Variants in MCU observed in about 807,000 individuals in gnomAD.
The protein encoded by MCU is calcium uniporter protein, mitochondrial.
Under a neutral mutation model 45.2 loss-of-function variants are expected in MCU, and 12 were observed. The ratio of observed to expected loss-of-function variants is 0.27; its 90% CI spans 0.17 to 0.43. The LOEUF is 0.43. Among genes scored for constraint, MCU ranks in the 20% least tolerant of loss-of-function variants. MCU has a pLI of 1.00. For synonymous variants in MCU, 160 were observed against 165.1 expected (o/e 0.97, Z 0.24); for missense variants, 324 against 436.7 (o/e 0.74, Z 2.30).
intron 1 of MCU, among the ~76,000 whole-genome samples, chr10:72,701,338 C>T (rs1842756634): frequency 6.6e-6 from 1 of 152,126 alleles, no homozygotes; most frequent in South Asian, 2.1e-4. Flanking sequence ...TGGTTTAGTG[C>T]TAGGGATGCA....
intron 1 of MCU, among the ~76,000 whole-genome samples, chr10:72,723,048 T>G (rs1843045761): frequency 6.6e-6 from 1 of 151,962 alleles, no homozygotes; most frequent in African/African-American, 2.4e-5. Flanking sequence ...TACAAAAAAT[T>G]AGCTGGGTGT....
chr10:72,702,663 C>T (rs1842772578), intron 1 of MCU, among the ~76,000 whole-genome samples: 1 of 152,158 alleles, frequency 6.6e-6, no homozygotes, highest in Non-Finnish European at 1.5e-5. Flanking sequence ...GAAGGCTTCA[C>T]AGAAGAGGTC....
At chr10:72,863,692 C>A (rs1845413276) in intron 4 of MCU, among the ~76,000 whole-genome samples, 1 of 152,216 alleles carries the variant, frequency 6.6e-6, no homozygotes, top group African/African-American at 2.4e-5. Flanking sequence ...TCTCAGCTCA[C>A]TGCAACCTCT....
chr10:72,738,050 A>ACCCATT (rs1843275474), intron 1 of MCU, among the ~76,000 whole-genome samples: 1 of 152,230 alleles, frequency 6.6e-6, no homozygotes, highest in Non-Finnish European at 1.5e-5. Flanking sequence ...ATGTAGCTGG[A>ACCCATT]TAAATATTTT....
chr10:72,808,767 A>C (rs1034505982), intron 1 of MCU, among the ~76,000 whole-genome samples: 3 of 152,192 alleles, frequency 2.0e-5, no homozygotes, highest in African/African-American at 7.2e-5. Flanking sequence ...ACATCTTACT[A>C]TGGTGGAGCA....
chr10:72,733,160 G>T (rs1200506021), intron 1 of MCU, among the ~76,000 whole-genome samples: 2 of 152,184 alleles, frequency 1.3e-5, no homozygotes, highest in African/African-American at 4.8e-5. Context: ...AAATGGGATG[G>T]ATTAAATCTA....
intron 7 of MCU, among the ~76,000 whole-genome samples, chr10:72,884,898 C>G (rs1052442530): frequency 4.6e-5 from 7 of 152,160 alleles, no homozygotes; most frequent in Admixed American, 2.0e-4. Flanking sequence ...CTACCTCTTT[C>G]AAATTTCTGG....
chr10:72,807,718 G>A (rs1844473873), intron 1 of MCU, among the ~76,000 whole-genome samples: 1 of 152,136 alleles, frequency 6.6e-6, no homozygotes, highest in Non-Finnish European at 1.5e-5. Flanking sequence ...TTACTTCAGT[G>A]TTGACTGGCT....
intron 6 of MCU, among the ~76,000 whole-genome samples, chr10:72,877,169 C>T (rs1271190141): frequency 4.6e-5 from 7 of 152,146 alleles, no homozygotes; most frequent in Non-Finnish European, 4.4e-5. Flanking sequence ...GATCCTCCGC[C>T]TCAGCCTCTC....
At chr10:72,752,563 T>C (rs967992066) in intron 1 of MCU, among the ~76,000 whole-genome samples, 5 of 152,156 alleles carry the variant, frequency 3.3e-5, no homozygotes, top group African/African-American at 1.2e-4. Flanking sequence ...TAAACATGAA[T>C]AGCAACAAAG....
At chr10:72,757,965 G>T (rs1843602620) in intron 1 of MCU, among the ~76,000 whole-genome samples, 1 of 152,188 alleles carries the variant, frequency 6.6e-6, no homozygotes, top group Non-Finnish European at 1.5e-5. Flanking sequence ...AAAGAGCAAT[G>T]AATTTTCCAG....
chr10:72,786,147 A>G (rs1844068794), intron 1 of MCU, among the ~76,000 whole-genome samples: 1 of 152,180 alleles, frequency 6.6e-6, no homozygotes, highest in African/African-American at 2.4e-5. Context: ...CAGAGATGTC[A>G]TCCAGTTTAG....
intron 1 of MCU, among the ~76,000 whole-genome samples, chr10:72,707,878 T>C (rs1018380523): frequency 6.6e-6 from 1 of 152,134 alleles, no homozygotes; most frequent in Non-Finnish European, 1.5e-5. Flanking sequence ...CTCACTATGT[T>C]GTCCAGACTG....
chr10:72,884,508 AT>A, intron 7 of MCU, 126 bp downstream of exon 7: 1 of 626,292 alleles, frequency 1.6e-6, no homozygotes, highest in Non-Finnish European at 2.9e-6. Flanking sequence ...TCCTGTATAA[AT>A]TATTCCTCAG....
At chr10:72,850,533 A>G (rs1832515025) in intron 2 of MCU, among the ~76,000 whole-genome samples, 1 of 152,182 alleles carries the variant, frequency 6.6e-6, no homozygotes, top group Admixed American at 6.5e-5. Context: ...ATATTTTTAC[A>G]AGCATTTAAA....
At chr10:72,735,502 A>C (rs1028711519) in intron 1 of MCU, among the ~76,000 whole-genome samples, 1 of 152,220 alleles carries the variant, frequency 6.6e-6, no homozygotes, top group Non-Finnish European at 1.5e-5. Context: ...TAATAGAAGC[A>C]TGGTGTCCAG....
intron 1 of MCU, among the ~76,000 whole-genome samples, chr10:72,818,369 G>A (rs545048765): frequency 5.1e-4 from 78 of 152,296 alleles, no homozygotes; most frequent in African/African-American, 1.8e-3. Flanking sequence ...AGAAGCCACC[G>A]ACGTTCTTTG....
intron 1 of MCU, among the ~76,000 whole-genome samples, chr10:72,790,869 C>A (rs1844148127): frequency 6.6e-6 from 1 of 152,144 alleles, no homozygotes; most frequent in African/African-American, 2.4e-5. Flanking sequence ...TAGTGCTTTT[C>A]ATTTTTATTA....
At chr10:72,692,815 G>A in intron 1 of MCU, 1 of 1,417,410 alleles carries the variant, frequency 7.1e-7, no homozygotes, top group Non-Finnish European at 9.2e-7. Flanking sequence ...GCCGCCCCTC[G>A]TCCTCTCTCG....
Sources: gnomAD v4.1 joint callset for allele counts (sites outside exome capture counted in the v4.1 genomes callset) on GRCh38, gnomAD v4.1.1 for gene constraint, MANE v1.5 for transcripts, NCBI Gene and HGNC (gene_info 2026-07-23, HGNC 2026-07-21) for gene names.